Variants in LINGO2 observed in about 807,000 individuals in gnomAD.
The protein encoded by LINGO2 is leucine-rich repeat and immunoglobulin-like domain-containing nogo receptor-interacting protein 2.
LINGO2 carries 14 observed loss-of-function variants against 30.6 expected under a neutral mutation model. The observed-to-expected ratio is 0.46, with a 90% CI of 0.30 to 0.72. The LOEUF (loss-of-function observed/expected upper bound fraction) is 0.72, where lower values mean the gene tolerates loss of function less well. Ranked by LOEUF, LINGO2 falls within the 30% of genes least tolerant of loss-of-function variation. The pLI, the probability that LINGO2 is intolerant of heterozygous loss-of-function variation, is 0.07. For synonymous variants in LINGO2, 317 were observed against 288.5 expected, an observed-to-expected ratio of 1.10 and a Z score of -1.00; for missense variants, 729 against 751.7, an observed-to-expected ratio of 0.97 and a Z score of 0.35.
chr9:28,520,206 AG>A, intron 1 of LINGO2, among the ~76,000 whole-genome samples: 1 of 152,246 alleles, frequency 6.6e-6, no homozygotes, highest in Middle Eastern at 3.4e-3. Flanking sequence ...TAGAATACTG[AG>A]TAGAAACTGA....
At chr9:28,991,234 C>A in the LINGO2 span, among the ~76,000 whole-genome samples, 2 of 151,364 alleles carry the variant, frequency 1.3e-5, no homozygotes, top group Non-Finnish European at 2.9e-5. Flanking sequence ...GCCTCAGGAG[C>A]CGACGCGATC....
chr9:28,076,839 G>A (rs1173864618), intron 4 of LINGO2, among the ~76,000 whole-genome samples: 1 of 152,064 alleles, frequency 6.6e-6, no homozygotes, highest in Non-Finnish European at 1.5e-5. Flanking sequence ...CATTTCTGAT[G>A]CTTTGTAGGG....
rs142695537 is a variant in LINGO2 at position 28,202,741 on chromosome 9, T to A, written c.-87+92467A>T. On this transcript the variant is annotated intron_variant, in intron 4 of 5. Coordinates refer to ENST00000379992, the Ensembl canonical transcript of LINGO2. Reference sequence around the variant, plus strand: ...TTTTCACAAATGTAAAATGGGATAATGTACCTCATTAGGCTGAGAATGTAG... The same window carrying A: ...TTTTCACAAATGTAAAATGGGATAAAGTACCTCATTAGGCTGAGAATGTAG... Among the ~76,000 whole-genome samples, 523 of 152,278 alleles carry A rather than the reference T, an allele frequency of 3.4e-3. 4 individuals are homozygous for A. Among genetic ancestry groups the A allele is most frequent in the Non-Finnish European group, 5.4e-3 (366 of 68,008 alleles).
intron 2 of LINGO2, among the ~76,000 whole-genome samples, chr9:28,408,765 A>G (rs1346171176): frequency 2.2e-5 from 2 of 90,254 alleles, no homozygotes; most frequent in African/African-American, 6.1e-5. Context: ...AACTTAAAGT[A>G]TAAAAAAACA....
chr9:28,596,981 A>G (rs1825214219), intron 1 of LINGO2, among the ~76,000 whole-genome samples: 1 of 152,148 alleles, frequency 6.6e-6, no homozygotes, highest in African/African-American at 2.4e-5. Flanking sequence ...AAAGACAAAT[A>G]CGTCTATCTA....
At chr9:29,105,300 G>T in the LINGO2 span, among the ~76,000 whole-genome samples, 1 of 152,098 alleles carries the variant, frequency 6.6e-6, no homozygotes, top group Non-Finnish European at 1.5e-5. Flanking sequence ...GTCAGTTTAA[G>T]CCAGTCAAGA....
At chr9:29,082,512 T>A in the LINGO2 span, among the ~76,000 whole-genome samples, 3 of 152,108 alleles carry the variant, frequency 2.0e-5, no homozygotes, top group African/African-American at 7.2e-5. Context: ...ATTCAGGACA[T>A]AGGCATGGGC....
chr9:27,976,234 A>G (rs1351446154), intron 5 of LINGO2, among the ~76,000 whole-genome samples: 1 of 152,064 alleles, frequency 6.6e-6, no homozygotes, highest in African/African-American at 2.4e-5. Flanking sequence ...TATGGCCACT[A>G]ATATATTTTA....
chr9:28,720,291 T>C, the LINGO2 span, among the ~76,000 whole-genome samples: 85 of 152,236 alleles, frequency 5.6e-4, 1 homozygote, highest in Middle Eastern at 3.4e-3. Context: ...TTCTGGTACA[T>C]GCAGACATTC....
chr9:28,695,591 T>C, the LINGO2 span, among the ~76,000 whole-genome samples: 2 of 151,798 alleles, frequency 1.3e-5, no homozygotes, highest in African/African-American at 4.8e-5. Flanking sequence ...GACTTGTAAA[T>C]AGAGATTTCT....
intron 3 of LINGO2, among the ~76,000 whole-genome samples, chr9:28,361,036 A>T (rs1247892613): frequency 6.6e-6 from 1 of 152,206 alleles, no homozygotes; most frequent in Non-Finnish European, 1.5e-5. Flanking sequence ...AAATTAATGC[A>T]TTTTAAACTG....
At chr9:28,748,917 T>A in the LINGO2 span, among the ~76,000 whole-genome samples, 1 of 152,024 alleles carries the variant, frequency 6.6e-6, no homozygotes. Flanking sequence ...AGTTGTAAAT[T>A]TTGTATGAAT....
chr9:28,001,082 T>G (rs1587657238), intron 5 of LINGO2, among the ~76,000 whole-genome samples: 1 of 152,262 alleles, frequency 6.6e-6, no homozygotes, highest in Admixed American at 6.5e-5. Flanking sequence ...ACCATCAATG[T>G]GTTTTCACAC....
the LINGO2 span, among the ~76,000 whole-genome samples, chr9:28,867,142 A>T: frequency 6.6e-6 from 1 of 152,290 alleles, no homozygotes; most frequent in South Asian, 2.1e-4. Flanking sequence ...CACACCACTA[A>T]TATGACAAAT....
intron 1 of LINGO2, among the ~76,000 whole-genome samples, chr9:28,522,065 G>C (rs1234606921): frequency 2.6e-5 from 4 of 152,180 alleles, no homozygotes; most frequent in Non-Finnish European, 5.9e-5. Flanking sequence ...AAGTTGCCCA[G>C]TTCATGGTAA....
chr9:28,587,028 TCGTAAGGCTTCATACAGCTAGAAATCC>T (rs1824580420), intron 1 of LINGO2, among the ~76,000 whole-genome samples: 1 of 151,960 alleles, frequency 6.6e-6, no homozygotes, highest in Admixed American at 6.6e-5. Flanking sequence ...CAGATGGGAT[TCGTAAGGCTTCATACAGCTAGAAATCC>T]CGCACTCAGT....
At chr9:28,599,238 C>A (rs12002813) in intron 1 of LINGO2, 1 of 152,146 alleles carries the variant, frequency 6.6e-6, no homozygotes, top group African/African-American at 2.4e-5. Context: ...AATAGAACTG[C>A]TCCATCCTGA....
intron 4 of LINGO2, among the ~76,000 whole-genome samples, chr9:28,100,053 A>T (rs1826364736): frequency 6.6e-6 from 1 of 152,148 alleles, no homozygotes; most frequent in Non-Finnish European, 1.5e-5. Context: ...TCATATTCAA[A>T]ATATTATTGT....
At chr9:29,198,236 T>C in the LINGO2 span, among the ~76,000 whole-genome samples, 16 of 152,282 alleles carry the variant, frequency 1.1e-4, no homozygotes, top group African/African-American at 3.6e-4. Context: ...AATAACCAAA[T>C]AGTTGACAAG....
Sources: gnomAD v4.1 joint callset for allele counts (sites outside exome capture counted in the v4.1 genomes callset) on GRCh38, gnomAD v4.1.1 for gene constraint, MANE v1.5 for transcripts, NCBI Gene and HGNC (gene_info 2026-07-23, HGNC 2026-07-21) for gene names.